Variants in MEF2D observed in about 807,000 individuals in gnomAD.
MEF2D encodes the protein myocyte-specific enhancer factor 2D.
A neutral mutation model predicts 59.3 loss-of-function variants in MEF2D; 10 were observed. The observed-to-expected ratio is 0.17, with a 90% CI of 0.10 to 0.29. The LOEUF is 0.29. MEF2D is among the 10% of genes least tolerant of loss of function. The pLI, the probability that MEF2D is intolerant of heterozygous loss-of-function variation, is 1.00. For synonymous variants in MEF2D, 305 were observed against 295.0 expected, an observed-to-expected ratio of 1.03 and a Z score of -0.35; for missense variants, 508 against 699.4, an observed-to-expected ratio of 0.73 and a Z score of 3.09.
intron 8 of MEF2D, 149 bp from the exon 9 acceptor site, chr1:156,475,386 C>T (rs1671504125): frequency 8.0e-6 from 7 of 876,172 alleles, no homozygotes; most frequent in South Asian, 5.5e-5. Context: ...TACAAACACA[C>T]GTTGGTGCAT....
chr1:156,472,826 C>G (rs1671319001), intron 9 of MEF2D, among the ~76,000 whole-genome samples: 1 of 152,154 alleles, frequency 6.6e-6, no homozygotes, highest in Admixed American at 6.5e-5. Context: ...TCTCCTGCCT[C>G]AGCCTCCCGA....
At chr1:156,482,328 G>A in intron 3 of MEF2D, 109 bp downstream of exon 3, 3 of 1,133,686 alleles carry the variant, frequency 2.6e-6, no homozygotes, top group Non-Finnish European at 3.9e-6. Flanking sequence ...CAAGGGGCAT[G>A]TATACCAGTG....
chr1:156,467,712 A>G (rs981611238), intron 11 of MEF2D, 56 bp from the exon 12 acceptor site: 3 of 1,352,104 alleles, frequency 2.2e-6, no homozygotes, highest in Admixed American at 2.9e-5. Context: ...GGCTTTGGGT[A>G]TGCACCCCCC....
chr1:156,497,312 T>C (rs895128307), intron 1 of MEF2D, among the ~76,000 whole-genome samples: 9 of 152,238 alleles, frequency 5.9e-5, no homozygotes, highest in African/African-American at 2.2e-4. Context: ...ACAGTGATGC[T>C]GAGGTTGTGC....
Position 156,483,411 on chromosome 1 carries a change from G to A in MEF2D, c.-119C>T. The A allele has an allele frequency of 1.0e-6, 1 of 958,584 alleles. No individual in the cohort carries two copies. Among genetic ancestry groups the A allele is most frequent in the Admixed American group, 1.8e-5 (1 of 55,266 alleles). The allele number at this position is 958,584 out of a possible 1,614,324, so 59.4% of individuals were successfully genotyped here. A position where few individuals can be genotyped will look rare whatever the true frequency, so the allele number is the denominator to read the frequency against. On this transcript the variant is annotated 5_prime_UTR_variant, in exon 2 of 12. Transcript: ENST00000348159. ...ACAGTGCTCAGTTCATGGTCTGCAG[G>A]ATACCTTCTGCACAGCCTCCTGGAA...
Position 156,468,201 on chromosome 1 carries a change from C to T in MEF2D, c.1346G>A (p.Arg449His), listed in dbSNP as rs781367164. The T allele has an allele frequency of 8.7e-6, 14 of 1,613,244 alleles. No homozygotes were observed. The highest frequency in any genetic ancestry group is 2.2e-5 in the East Asian group (1 of 44,858). ...AGCTGGAGGGGGAGGCGCAGGGCTG[C>T]GCTCACGGCTTGGGGACACCGGTTC... is the stretch of plus-strand genomic sequence containing the variant. Reference protein sequence around the residue: ...KSEPVSPSRERSPAPPPPAVF... With the variant: ...KSEPVSPSREHSPAPPPPAVF... The change falls in exon 11 of 12, where the codon CGC becomes CAC. Residue 449 changes from arginine (R) to histidine (H), a missense_variant. Coordinates refer to ENST00000348159, the MANE Select transcript of MEF2D (RefSeq NM_005920.4). The surrounding 1 kb of genome is among the most constrained non-coding windows in gnomAD (Gnocchi z 4.3).
intron 1 of MEF2D, among the ~76,000 whole-genome samples, chr1:156,485,902 T>G (rs1672329574): frequency 6.6e-6 from 1 of 151,086 alleles, no homozygotes. Flanking sequence ...CAGGCTGGAG[T>G]GCAGTGGCGT....
At chr1:156,499,234 G>A (rs1389276208) in intron 1 of MEF2D, among the ~76,000 whole-genome samples, 4 of 152,140 alleles carry the variant, frequency 2.6e-5, no homozygotes, top group African/African-American at 7.2e-5. Flanking sequence ...CCCACTGAAG[G>A]GATAGGAGGA....
chr1:156,477,901 T>C (rs921776323), intron 6 of MEF2D, among the ~76,000 whole-genome samples: 2 of 152,266 alleles, frequency 1.3e-5, no homozygotes, highest in African/African-American at 4.8e-5. Context: ...CTATCTTTTA[T>C]ATCTGCTCCA....
chr1:156,499,936 G>A (rs1263345343), intron 1 of MEF2D, among the ~76,000 whole-genome samples: 1 of 151,900 alleles, frequency 6.6e-6, no homozygotes, highest in African/African-American at 2.4e-5. Flanking sequence ...GGTGTCATCT[G>A]AACAACATCC....
At chr1:156,500,408 A>T (rs1311613952) in intron 1 of MEF2D, 78 bp downstream of exon 1, 1 of 151,956 alleles carries the variant, frequency 6.6e-6, no homozygotes, top group East Asian at 1.9e-4. Flanking sequence ...GGTCTAGACC[A>T]CCCTCCACCC....
chr1:156,468,266 G>A lies in MEF2D; in HGVS notation c.1281C>T (p.Ala427=). ...TGTGGGGGTGGGTGGTGACTGTGAG[G>A]GCAGCACCCACGTGGGGCAGGGGGC... is the stretch of plus-strand genomic sequence containing the variant. ...PGSPLPHVGA[A]LTVTTHPHIS... is the part of the protein sequence containing the mutation. The change falls in exon 11 of 12, where the codon GCC becomes GCT. Residue 427 remains alanine (A), a synonymous_variant. Coordinates refer to ENST00000348159, the MANE Select transcript of MEF2D (RefSeq NM_005920.4). The surrounding 1 kb of genome is among the most constrained non-coding windows in gnomAD (Gnocchi z 4.3). 6.3e-7 allele frequency: 1 copy of A among 1,577,426 alleles called. No individual in the cohort carries two copies. Among genetic ancestry groups the A allele is most frequent in the Non-Finnish European group, 8.6e-7 (1 of 1,159,288 alleles).
At position 156,467,473 on chromosome 1, in the gene MEF2D, A is replaced by G. The variant is rs1047156433; in HGVS notation, c.*172T>C. 3.0e-5 allele frequency: 9 copies of G among 303,754 alleles called. No individual in the cohort carries two copies. Among genetic ancestry groups the G allele is most frequent in the Non-Finnish European group, 5.4e-5 (9 of 166,668 alleles). The allele number at this position is 303,754 out of a possible 1,614,324, so 18.8% of individuals were successfully genotyped here. A position where few individuals can be genotyped will look rare whatever the true frequency, so the allele number is the denominator to read the frequency against. On this transcript the variant is annotated 3_prime_UTR_variant, in exon 12 of 12. Coordinates refer to ENST00000348159, the MANE Select transcript of MEF2D (RefSeq NM_005920.4). ...AGCGAGAATCCAAATTAAAAAAAAT[A>G]TAATAATAATAATAATAATATAATA...
intron 1 of MEF2D, among the ~76,000 whole-genome samples, chr1:156,494,832 T>C (rs1478633801): frequency 6.6e-6 from 1 of 152,132 alleles, no homozygotes; most frequent in Non-Finnish European, 1.5e-5. Flanking sequence ...AGACTGACTG[T>C]TGGGCACAGG....
rs771502198 is a variant in MEF2D at position 156,477,205 on chromosome 1, G to A, written c.665-3C>T. The A allele has an allele frequency of 2.5e-6, 4 of 1,591,034 alleles. No homozygotes were observed. In the African/African-American group the frequency reaches 4.0e-5, roughly 16 times the overall value. ...CCGAGCACTGACGTAGCCATTCCCT[G>A]GAGAAGTGACAACAAGAGGGTAAAA... On this transcript the variant is annotated splice_polypyrimidine_tract_variant and splice_region_variant and intron_variant, in intron 6 of 11. Transcript: ENST00000348159.
At position 156,468,722 on chromosome 1, in the gene MEF2D, C is replaced by T; in HGVS notation, c.1247+58G>A. The T allele has an allele frequency of 6.3e-7, 1 of 1,575,440 alleles. No individual in the cohort carries two copies. Among genetic ancestry groups the T allele is most frequent in the South Asian group, 1.2e-5 (1 of 85,658 alleles). ...GAACCCAGCTCCCAAGAGGTCCCTC[C>T]TCTTCCCGTTCAATTCTCCCTTCCC... is the stretch of plus-strand genomic sequence containing the variant. On this transcript the variant is annotated intron_variant, in intron 10 of 11. Coordinates refer to ENST00000348159, the MANE Select transcript of MEF2D (RefSeq NM_005920.4). This position sits in a 1 kb window ranked among gnomAD's most constrained non-coding sequence, Gnocchi z 4.3.
At chr1:156,474,641 T>C (rs191817698) in intron 9 of MEF2D, among the ~76,000 whole-genome samples, 5 of 151,572 alleles carry the variant, frequency 3.3e-5, no homozygotes, top group Admixed American at 6.6e-5. Context: ...AGACCTTGTC[T>C]GTACAAAAAA....
intron 9 of MEF2D, among the ~76,000 whole-genome samples, chr1:156,474,400 G>A (rs368752757): frequency 6.6e-6 from 1 of 152,118 alleles, no homozygotes; most frequent in East Asian, 1.9e-4. Context: ...AGTGAGCCAA[G>A]GTCATAACAC....
chr1:156,499,037 C>T (rs986529152), intron 1 of MEF2D, among the ~76,000 whole-genome samples: 1 of 152,196 alleles, frequency 6.6e-6, no homozygotes, highest in Admixed American at 6.5e-5. Context: ...ATGCTCTCCT[C>T]AGCTACTGAG....
Sources: gnomAD v4.1 joint callset for allele counts (sites outside exome capture counted in the v4.1 genomes callset) on GRCh38, gnomAD v4.1.1 for gene constraint, Gnocchi (gnomAD v3.1) non-coding constraint, MANE v1.5 for transcripts, NCBI Gene and HGNC (gene_info 2026-07-23, HGNC 2026-07-21) for gene names.